COMMD10: variants seen among roughly 807,000 people sequenced by gnomAD.
The protein encoded by COMMD10 is COMM domain-containing protein 10.
A neutral mutation model predicts 28.9 loss-of-function variants in COMMD10; 33 were observed. That is an observed-to-expected ratio of 1.14 (90% CI 0.87 to 1.53). The LOEUF is 1.53. Ranked by LOEUF, COMMD10 falls within the 40% of genes most tolerant of loss-of-function variation. The pLI, the probability that COMMD10 is intolerant of heterozygous loss-of-function variation, is 0.00. For synonymous variants in COMMD10, 110 were observed against 81.7 expected (o/e 1.35, Z -1.87); for missense variants, 310 against 233.4 (o/e 1.33, Z -2.14).
intron 5 of COMMD10, among the ~76,000 whole-genome samples, chr5:116,171,990 G>A (rs908468538): frequency 4.6e-5 from 7 of 151,754 alleles, no homozygotes; most frequent in African/African-American, 1.2e-4. Flanking sequence ...AAATCTGTCC[G>A]TTGTTTTGTG....
At chr5:116,240,685 A>T (rs1274398093) in intron 5 of COMMD10, among the ~76,000 whole-genome samples, 3 of 152,188 alleles carry the variant, frequency 2.0e-5, no homozygotes, top group Non-Finnish European at 2.9e-5. Context: ...AATGAGAAGG[A>T]AGAATCACTA....
At chr5:116,119,893 T>TACGG (rs1751368725) in intron 4 of COMMD10, among the ~76,000 whole-genome samples, 2 of 152,168 alleles carry the variant, frequency 1.3e-5, no homozygotes, top group Non-Finnish European at 2.9e-5. Context: ...GTGCTAGGAT[T>TACGG]ACGGGTGTGA....
chr5:116,115,933 G>T (rs1049292841), intron 4 of COMMD10, among the ~76,000 whole-genome samples: 2 of 152,142 alleles, frequency 1.3e-5, no homozygotes, highest in East Asian at 3.9e-4. Flanking sequence ...TGCACTTATG[G>T]TTTTGTCAGG....
At position 116,116,706 on chromosome 5, in the gene COMMD10, T is replaced by TTTTC. The variant is rs1194987802; in HGVS notation, c.400-17359_400-17358insCTTT. On this transcript the variant is annotated intron_variant, in intron 4 of 6. Coordinates refer to ENST00000274458, the MANE Select transcript of COMMD10 (RefSeq NM_016144.4). The stretch of plus-strand genomic sequence containing the variant: ...TTATCTGCAGTAAAATGCAGAGATT[T>TTTTC]TTTTTTTTTTTTTTTTTTTTTTTGA... 7.0e-3 allele frequency among the ~76,000 whole-genome samples: 260 copies of TTTTC among 37,358 alleles called. 2 individuals carry two copies. The highest frequency in any genetic ancestry group is 0.025 in the Non-Finnish European group (206 of 8,268). The allele number at this position is 37,358 out of a possible 152,430, so 24.5% of individuals were successfully genotyped here. A position where few individuals can be genotyped will look rare whatever the true frequency, so the allele number is the denominator to read the frequency against.
chr5:116,225,312 T>TTAAG (rs917928690), intron 5 of COMMD10, among the ~76,000 whole-genome samples: 19 of 151,246 alleles, frequency 1.3e-4, no homozygotes, highest in African/African-American at 3.9e-4. Context: ...GTATTTTTTC[T>TTAAG]TAAGTAATTT....
At position 116,238,202 on chromosome 5, in the gene COMMD10, C is replaced by G. The variant is rs567202940; in HGVS notation, c.511-53315C>G. Reference sequence around the variant, plus strand: ...AAGATATTTCTTAAAATACCATTTTCAGAATTATTTGTAGCCACTATAATA... The same window carrying G: ...AAGATATTTCTTAAAATACCATTTTGAGAATTATTTGTAGCCACTATAATA... On this transcript the variant is annotated intron_variant, in intron 5 of 6. Coordinates refer to ENST00000274458, the MANE Select transcript of COMMD10 (RefSeq NM_016144.4). Among the ~76,000 whole-genome samples, 4 of 152,262 alleles carry G rather than the reference C, an allele frequency of 2.6e-5. No homozygotes were observed. In the South Asian group the frequency reaches 8.3e-4, roughly 32 times the overall value.
intron 5 of COMMD10, among the ~76,000 whole-genome samples, chr5:116,195,667 A>G (rs1748496760): frequency 6.6e-6 from 1 of 152,210 alleles, no homozygotes; most frequent in Non-Finnish European, 1.5e-5. Context: ...TAGATGACCC[A>G]AACAAATGGA....
intron 5 of COMMD10, among the ~76,000 whole-genome samples, chr5:116,167,386 G>A (rs1753159832): frequency 6.6e-6 from 1 of 152,172 alleles, no homozygotes; most frequent in African/African-American, 2.4e-5. Context: ...ACCTGAAAGT[G>A]ATGGGGAGAA....
At chr5:116,274,966 T>G (rs867549495) in intron 5 of COMMD10, among the ~76,000 whole-genome samples, 1 of 151,816 alleles carries the variant, frequency 6.6e-6, no homozygotes, top group Non-Finnish European at 1.5e-5. Flanking sequence ...AATGGCCTGC[T>G]GGTATTTTCT....
intron 5 of COMMD10, among the ~76,000 whole-genome samples, chr5:116,195,876 A>G (rs10052306): frequency 1.4e-4 from 22 of 152,150 alleles, no homozygotes; most frequent in African/African-American, 5.3e-4. Flanking sequence ...AATCAAAACC[A>G]CAATGCAATA....
intron 5 of COMMD10, among the ~76,000 whole-genome samples, chr5:116,291,023 A>G (rs980785163): frequency 1.1e-4 from 17 of 152,158 alleles, no homozygotes; most frequent in African/African-American, 3.9e-4. Context: ...TGCTGAGTCT[A>G]TACATTGAAG....
intron 5 of COMMD10, among the ~76,000 whole-genome samples, chr5:116,153,141 C>A (rs1475139250): frequency 6.6e-6 from 1 of 151,980 alleles, no homozygotes; most frequent in East Asian, 1.9e-4. Flanking sequence ...CTATATGTTT[C>A]CTAAAAGTGA....
chr5:116,252,150 G>GA (rs1750137334), intron 5 of COMMD10, among the ~76,000 whole-genome samples: 1 of 145,998 alleles, frequency 6.8e-6, no homozygotes, highest in African/African-American at 2.6e-5. Context: ...GGGGTTGTTT[G>GA]TTTTTTTCTT....
chr5:116,112,400 T>G (rs1350716750), intron 4 of COMMD10, among the ~76,000 whole-genome samples: 1 of 152,118 alleles, frequency 6.6e-6, no homozygotes, highest in Non-Finnish European at 1.5e-5. Context: ...ATAGTTGATT[T>G]TTTTTCTTTT....
At chr5:116,119,075 A>G (rs777992330) in intron 4 of COMMD10, among the ~76,000 whole-genome samples, 35 of 152,272 alleles carry the variant, frequency 2.3e-4, no homozygotes, top group Middle Eastern at 3.4e-3. Context: ...AACTTGTGCT[A>G]TTATCTTCAT....
chr5:116,256,847 A>G (rs2112680755), intron 5 of COMMD10, among the ~76,000 whole-genome samples: 1 of 151,870 alleles, frequency 6.6e-6, no homozygotes, highest in African/African-American at 2.4e-5. Flanking sequence ...TCAGCCAGCC[A>G]CGTGGATACT....
At chr5:116,135,780 A>G (rs560205152) in intron 5 of COMMD10, among the ~76,000 whole-genome samples, 2 of 152,296 alleles carry the variant, frequency 1.3e-5, no homozygotes, top group African/African-American at 4.8e-5. Flanking sequence ...GTTTAGTACT[A>G]TCCATGGTTT....
At chr5:116,108,280 C>T (rs1365060738) in intron 4 of COMMD10, among the ~76,000 whole-genome samples, 1 of 152,228 alleles carries the variant, frequency 6.6e-6, no homozygotes, top group Non-Finnish European at 1.5e-5. Flanking sequence ...CCACAGCCAC[C>T]CCTTTCCCCA....
intron 5 of COMMD10, among the ~76,000 whole-genome samples, chr5:116,162,882 A>AT (rs1554094778): frequency 0.56 from 60,355 of 107,010 alleles, 15,388 homozygotes; most frequent in African/African-American, 0.77. Context: ...TTTTTAAAAA[A>AT]TTATCAGATA....
Sources: allele counts gnomAD v4.1 joint callset (sites outside exome capture counted in the v4.1 genomes callset), GRCh38; gene constraint gnomAD v4.1.1; transcripts MANE v1.5; gene names NCBI Gene and HGNC (gene_info 2026-07-23, HGNC 2026-07-21).